The following ADAMTSL1 variants were observed in gnomAD, a reference collection of about 807,000 sequenced individuals.
ADAMTSL1 encodes ADAMTS-like protein 1.
ADAMTSL1 carries 126 observed loss-of-function variants against 201.8 expected under a neutral mutation model. That is an observed-to-expected ratio of 0.62 (90% CI 0.54 to 0.72). The LOEUF (loss-of-function observed/expected upper bound fraction) is 0.72. Ranked by LOEUF, ADAMTSL1 falls within the 30% of genes least tolerant of loss-of-function variation. The pLI is 0.00. For synonymous variants in ADAMTSL1, 1,121 were observed against 903.4 expected, an observed-to-expected ratio of 1.24 and a Z score of -4.32; for missense variants, 2,679 against 2,277.8, an observed-to-expected ratio of 1.18 and a Z score of -3.59.
intron 24 of ADAMTSL1, 109 bp from the exon 25 acceptor site, chr9:18,889,459 A>G (rs886379026): frequency 1.7e-6 from 2 of 1,206,468 alleles, no homozygotes; most frequent in African/African-American, 1.5e-5. Context: ...CCTCTCCTTC[A>G]GGCCACAAAT....
At chr9:18,205,931 G>A (rs1218377343) in intron 2 of ADAMTSL1, among the ~76,000 whole-genome samples, 1 of 151,772 alleles carries the variant, frequency 6.6e-6, no homozygotes, top group African/African-American at 2.4e-5. Context: ...GCATGCGCCT[G>A]TAATCCCAGC....
At chr9:18,885,597 C>A (rs1321323867) in intron 23 of ADAMTSL1, among the ~76,000 whole-genome samples, 2 of 152,190 alleles carry the variant, frequency 1.3e-5, no homozygotes, top group Non-Finnish European at 2.9e-5. Flanking sequence ...ATGGGCTAGT[C>A]AGCGGATACA....
rs888775079 is a variant in ADAMTSL1, at chr9:18,550,809, A to G, written c.237+17517A>G. Among the ~76,000 whole-genome samples the G allele has an allele frequency of 3.9e-5, 6 of 152,068 alleles. No homozygotes were observed. In the East Asian group the frequency reaches 1.2e-3, roughly 29 times the overall value. On this transcript the variant is annotated intron_variant, in intron 3 of 28. Transcript: ENST00000380548. The stretch of plus-strand genomic sequence containing the variant: ...AATATTATTAATCCAACTGCTGACC[A>G]TAACTTTGGTGGGTTTTTTTAAAAA...
chr9:18,286,824 T>G (rs537458043), intron 2 of ADAMTSL1, among the ~76,000 whole-genome samples: 1 of 152,154 alleles, frequency 6.6e-6, no homozygotes, highest in African/African-American at 2.4e-5. Context: ...CTAGACTAAT[T>G]CACAGATTTT....
chr9:18,160,193 G>A (rs1827322883), intron 1 of ADAMTSL1, among the ~76,000 whole-genome samples: 1 of 152,000 alleles, frequency 6.6e-6, no homozygotes, highest in South Asian at 2.1e-4. Context: ...AGAAAGAGGG[G>A]TCACTGTTTG....
chr9:18,097,875 G>C (rs753598920), intron 1 of ADAMTSL1, among the ~76,000 whole-genome samples: 1 of 147,656 alleles, frequency 6.8e-6, no homozygotes, highest in Non-Finnish European at 1.5e-5. Flanking sequence ...TTTTTTTTTT[G>C]AGTGTGTATA....
chr9:18,624,616 C>A (rs763463602), intron 5 of ADAMTSL1, among the ~76,000 whole-genome samples: 1 of 152,078 alleles, frequency 6.6e-6, no homozygotes, highest in Non-Finnish European at 1.5e-5. Flanking sequence ...TATTCTCATG[C>A]CCATACCTTC....
At chr9:18,844,254 G>A (rs1314126054) in intron 23 of ADAMTSL1, among the ~76,000 whole-genome samples, 1 of 152,212 alleles carries the variant, frequency 6.6e-6, no homozygotes. Flanking sequence ...CCTTCTAACA[G>A]ACAGGACCCT....
intron 2 of ADAMTSL1, among the ~76,000 whole-genome samples, chr9:18,238,332 T>C (rs1216866265): frequency 6.6e-6 from 1 of 152,150 alleles, no homozygotes; most frequent in Admixed American, 6.5e-5. Flanking sequence ...TTGCAGTGAG[T>C]AAGTGACTCA....
At chr9:18,005,527 C>CCTTA (rs1380201432) in intron 1 of ADAMTSL1, among the ~76,000 whole-genome samples, 1 of 152,008 alleles carries the variant, frequency 6.6e-6, no homozygotes, top group Non-Finnish European at 1.5e-5. Flanking sequence ...CCAACAGGTC[C>CCTTA]CTTAGCCTTT....
intron 1 of ADAMTSL1, among the ~76,000 whole-genome samples, chr9:17,951,748 T>C (rs915493436): frequency 6.6e-6 from 1 of 152,118 alleles, no homozygotes; most frequent in Admixed American, 6.5e-5. Context: ...GTCTGTGGCT[T>C]ATCTTTTAAT....
chr9:18,575,360 G>A (rs1027734607), intron 4 of ADAMTSL1, among the ~76,000 whole-genome samples: 1 of 152,108 alleles, frequency 6.6e-6, no homozygotes, highest in Admixed American at 6.5e-5. Context: ...TGTCACTGAT[G>A]AAACATATCT....
At chr9:17,946,806 T>C (rs563284105) in intron 1 of ADAMTSL1, among the ~76,000 whole-genome samples, 37 of 152,298 alleles carry the variant, frequency 2.4e-4, no homozygotes, top group African/African-American at 8.7e-4. Flanking sequence ...AGCTGTGGTT[T>C]CATAATTGCA....
intron 15 of ADAMTSL1, among the ~76,000 whole-genome samples, chr9:18,737,796 G>C (rs144094394): frequency 2.0e-5 from 3 of 152,194 alleles, no homozygotes; most frequent in African/African-American, 7.2e-5. Flanking sequence ...AAAGCTCAAA[G>C]CCTGAAAAGT....
intron 2 of ADAMTSL1, among the ~76,000 whole-genome samples, chr9:18,461,042 A>G (rs1820788699): frequency 6.6e-6 from 1 of 152,202 alleles, no homozygotes; most frequent in Non-Finnish European, 1.5e-5. Context: ...AATTTTTAAC[A>G]AATGTAACTT....
At chr9:18,564,072 C>T (rs976332774) in intron 3 of ADAMTSL1, among the ~76,000 whole-genome samples, 5 of 152,182 alleles carry the variant, frequency 3.3e-5, no homozygotes, top group Admixed American at 2.0e-4. Flanking sequence ...AAAAAAACTC[C>T]TGCAGCTAGC....
intron 16 of ADAMTSL1, among the ~76,000 whole-genome samples, chr9:18,761,122 T>C (rs1444959752): frequency 6.6e-6 from 1 of 152,248 alleles, no homozygotes; most frequent in Non-Finnish European, 1.5e-5. Flanking sequence ...TTGGAAGTTG[T>C]AAGCAGAGTG....
chr9:18,032,228 A>G (rs1280790478), intron 1 of ADAMTSL1, among the ~76,000 whole-genome samples: 1 of 152,108 alleles, frequency 6.6e-6, no homozygotes, highest in African/African-American at 2.4e-5. Flanking sequence ...ACAAACCAGC[A>G]CCTCACTCTT....
At chr9:18,210,459 A>G (rs112659323) in intron 2 of ADAMTSL1, among the ~76,000 whole-genome samples, 1 of 147,036 alleles carries the variant, frequency 6.8e-6, no homozygotes, top group East Asian at 2.0e-4. Flanking sequence ...TAATAAATAT[A>G]TATTAATTAT....
Sources: allele counts gnomAD v4.1 joint callset (sites outside exome capture counted in the v4.1 genomes callset), GRCh38; gene constraint gnomAD v4.1.1; transcripts MANE v1.5; gene names NCBI Gene and HGNC (gene_info 2026-07-23, HGNC 2026-07-21).